Variants in DPYD observed in about 807,000 individuals in gnomAD.
The protein encoded by DPYD is dihydropyrimidine dehydrogenase.
A neutral mutation model predicts 116.2 loss-of-function variants in DPYD; 109 were observed. The observed-to-expected ratio is 0.94, with a 90% confidence interval of 0.80 to 1.10. DPYD has a LOEUF of 1.10. Ranked by LOEUF, DPYD falls within the 50% of genes least tolerant of loss-of-function variation. DPYD has a pLI of 0.00. For synonymous variants in DPYD, 440 were observed against 432.0 expected, an observed-to-expected ratio of 1.02 and a Z score of -0.23; for missense variants, 1,302 against 1,254.5, an observed-to-expected ratio of 1.04 and a Z score of -0.57.
rs148047408 is a variant in DPYD at position 97,618,456 on chromosome 1, A to G, written c.851-23290T>C. Among the ~76,000 whole-genome samples the G allele has an allele frequency of 7.5e-4, 113 of 150,616 alleles. No individual in the cohort carries two copies. The East Asian group carries it at 0.022, about 29-fold the overall frequency. On this transcript the variant is annotated intron_variant, in intron 8 of 22. Coordinates refer to ENST00000370192, the MANE Select transcript of DPYD (RefSeq NM_000110.4). ...AGTGGCATGATCTCGGTTCACTGCAACCTCCGCCTCCCGGGTTCAAGCAAG... is the reference window on the plus strand; with the variant it reads ...AGTGGCATGATCTCGGTTCACTGCAGCCTCCGCCTCCCGGGTTCAAGCAAG...
At chr1:97,643,663 G>A (rs927111179) in intron 8 of DPYD, among the ~76,000 whole-genome samples, 1 of 152,138 alleles carries the variant, frequency 6.6e-6, no homozygotes. Flanking sequence ...GTTTACAATA[G>A]CAAAGACTTG....
rs74437199 is a variant in DPYD at position 97,460,513 on chromosome 1, A to G, written c.1741-10290T>C. 7.2e-5 allele frequency among the ~76,000 whole-genome samples: 11 copies of G among 152,292 alleles called. No individual in the cohort carries two copies. The East Asian group carries it at 1.9e-3, about 27-fold the overall frequency. On this transcript the variant is annotated intron_variant, in intron 13 of 22. Transcript: ENST00000370192. ...GCTCAAAAAAACGACACCCTGAAGTATGGTGCGTTGATATGCTGAGTACTT... is the reference window on the plus strand; with the variant it reads ...GCTCAAAAAAACGACACCCTGAAGTGTGGTGCGTTGATATGCTGAGTACTT...
chr1:97,415,480 C>A (rs1674242137), intron 14 of DPYD, among the ~76,000 whole-genome samples: 1 of 152,064 alleles, frequency 6.6e-6, no homozygotes, highest in Non-Finnish European at 1.5e-5. Flanking sequence ...GGCCACCGTG[C>A]CCAGCTAGTT....
At chr1:97,547,511 TTTTC>T (rs1005120327) in intron 12 of DPYD, among the ~76,000 whole-genome samples, 3 of 151,818 alleles carry the variant, frequency 2.0e-5, no homozygotes, top group Non-Finnish European at 1.5e-5. Context: ...ATTGTGTTCT[TTTTC>T]TTTCTTTCTT....
chr1:97,500,044 T>C (rs1679488086), intron 13 of DPYD, among the ~76,000 whole-genome samples: 1 of 152,036 alleles, frequency 6.6e-6, no homozygotes, highest in African/African-American at 2.4e-5. Flanking sequence ...ATTCATTTAA[T>C]TTATTTGCAG....
intron 16 of DPYD, among the ~76,000 whole-genome samples, chr1:97,334,593 T>G (rs562342319): frequency 1.2e-4 from 19 of 152,124 alleles, no homozygotes; most frequent in Admixed American, 3.3e-4. Context: ...TAATAGAAGG[T>G]GGTATAGAGT....
intron 15 of DPYD, among the ~76,000 whole-genome samples, chr1:97,377,105 TA>T (rs1048569934): frequency 4.6e-5 from 7 of 151,854 alleles, no homozygotes; most frequent in Non-Finnish European, 1.0e-4. Flanking sequence ...AAAGTGGAAC[TA>T]AGTCACAGAG....
In DPYD at chr1:97,496,133, A is replaced by C. The variant is rs140146248; in HGVS notation, c.1740+19593T>G. Among the ~76,000 whole-genome samples the C allele has an allele frequency of 7.4e-4, 112 of 152,132 alleles. 4 individuals carry two copies. In the East Asian group the frequency reaches 0.021, roughly 28 times the overall value. On this transcript the variant is annotated intron_variant, in intron 13 of 22. Coordinates refer to ENST00000370192, the MANE Select transcript of DPYD (RefSeq NM_000110.4). Reference sequence around the variant, plus strand: ...AGTCAGAGATACCAGAGTTTTTCCTAACTTCTCTCTTCCCATATCTAGCCT... The same window carrying C: ...AGTCAGAGATACCAGAGTTTTTCCTCACTTCTCTCTTCCCATATCTAGCCT...
chr1:97,155,849 T>C (rs967659569), intron 20 of DPYD, among the ~76,000 whole-genome samples: 1 of 152,196 alleles, frequency 6.6e-6, no homozygotes, highest in Non-Finnish European at 1.5e-5. Flanking sequence ...GAGATGCTTC[T>C]TACATTGAGA....
At chr1:97,618,640 C>A (rs138408583) in intron 8 of DPYD, among the ~76,000 whole-genome samples, 18 of 152,186 alleles carry the variant, frequency 1.2e-4, no homozygotes, top group Non-Finnish European at 2.2e-4. Context: ...CAGAGTCCGG[C>A]GCCAGTCTAT....
intron 8 of DPYD, among the ~76,000 whole-genome samples, chr1:97,660,159 T>C (rs1396784655): frequency 6.6e-6 from 1 of 152,128 alleles, no homozygotes; most frequent in East Asian, 1.9e-4. Flanking sequence ...CTGATAGGAT[T>C]AACTTCTTTT....
intron 3 of DPYD, among the ~76,000 whole-genome samples, chr1:97,789,604 T>C (rs989124627): frequency 6.6e-6 from 1 of 152,218 alleles, no homozygotes; most frequent in Non-Finnish European, 1.5e-5. Context: ...AAATTTTAAA[T>C]AGCCTTGTTT....
intron 8 of DPYD, among the ~76,000 whole-genome samples, chr1:97,647,440 C>A (rs1228594290): frequency 6.6e-6 from 1 of 151,864 alleles, no homozygotes; most frequent in East Asian, 1.9e-4. Flanking sequence ...ATAATAAGAA[C>A]AATAACAGAA....
chr1:97,286,708 G>A (rs984812319), intron 18 of DPYD, among the ~76,000 whole-genome samples: 13 of 151,964 alleles, frequency 8.6e-5, no homozygotes, highest in Non-Finnish European at 1.2e-4. Context: ...CCAGTTGATC[G>A]CATCGGCTCC....
intron 18 of DPYD, among the ~76,000 whole-genome samples, chr1:97,250,069 A>G (rs1022258964): frequency 3.9e-5 from 6 of 152,134 alleles, no homozygotes; most frequent in African/African-American, 1.2e-4. Flanking sequence ...CAGGAGTTGG[A>G]GAACAGTCTG....
At chr1:97,505,463 T>C (rs1335726993) in intron 13 of DPYD, among the ~76,000 whole-genome samples, 1 of 151,350 alleles carries the variant, frequency 6.6e-6, no homozygotes, top group Non-Finnish European at 1.5e-5. Context: ...AAATAAAATA[T>C]TGAAAATAAA....
intron 12 of DPYD, among the ~76,000 whole-genome samples, chr1:97,526,668 G>A (rs1649123665): frequency 1.3e-5 from 2 of 152,052 alleles, no homozygotes; most frequent in African/African-American, 2.4e-5. Flanking sequence ...ATTCAACTAC[G>A]TGGCTACTGG....
At chr1:97,503,639 C>A (rs1043181418) in intron 13 of DPYD, among the ~76,000 whole-genome samples, 5 of 152,058 alleles carry the variant, frequency 3.3e-5, no homozygotes, top group Non-Finnish European at 5.9e-5. Context: ...ATGGCTCTCC[C>A]AGTCCTCCTC....
At chr1:97,703,237 C>A (rs1313584047) in intron 5 of DPYD, among the ~76,000 whole-genome samples, 3 of 151,932 alleles carry the variant, frequency 2.0e-5, no homozygotes, top group Non-Finnish European at 4.4e-5. Context: ...AATTGAACCA[C>A]ATTTTTGTGA....
Sources: allele counts gnomAD v4.1 joint callset (sites outside exome capture counted in the v4.1 genomes callset), GRCh38; gene constraint gnomAD v4.1.1; transcripts MANE v1.5; gene names NCBI Gene and HGNC (gene_info 2026-07-23, HGNC 2026-07-21).